Variants in FRMD4A observed in about 807,000 individuals in gnomAD.
FRMD4A encodes FERM domain-containing protein 4A.
FRMD4A carries 29 observed loss-of-function variants against 129.1 expected under a neutral mutation model. The ratio of observed to expected loss-of-function variants is 0.22; its 90% CI spans 0.17 to 0.31. The LOEUF is 0.31. Among genes scored for constraint, FRMD4A ranks in the 10% least tolerant of loss-of-function variants. FRMD4A has a pLI of 1.00. For synonymous variants in FRMD4A, 634 were observed against 571.6 expected (o/e 1.11, Z -1.56); for missense variants, 1,272 against 1,375.8 (o/e 0.92, Z 1.19).
chr10:13,918,420 G>A (rs1252263525), intron 2 of FRMD4A, among the ~76,000 whole-genome samples: 1 of 148,798 alleles, frequency 6.7e-6, no homozygotes, highest in East Asian at 2.3e-4. Flanking sequence ...ATGTTAGAGT[G>A]GTTCATTTAT....
At chr10:13,703,088 AAATG>A (rs1303888022) in intron 13 of FRMD4A, among the ~76,000 whole-genome samples, 4 of 152,168 alleles carry the variant, frequency 2.6e-5, no homozygotes, top group Admixed American at 2.0e-4. Flanking sequence ...TCTTGGAAAT[AAATG>A]AATGACTTTT....
chr10:13,941,409 T>A (rs2095291304), intron 2 of FRMD4A, among the ~76,000 whole-genome samples: 1 of 152,214 alleles, frequency 6.6e-6, no homozygotes, highest in African/African-American at 2.4e-5. Flanking sequence ...AGTTACCCAG[T>A]CTGGGGTATG....
intron 2 of FRMD4A, among the ~76,000 whole-genome samples, chr10:14,177,154 C>T (rs1459010373): frequency 6.6e-6 from 1 of 152,156 alleles, no homozygotes; most frequent in African/African-American, 2.4e-5. Context: ...TCAGAAACCC[C>T]TCTCATCAGA....
intron 2 of FRMD4A, among the ~76,000 whole-genome samples, chr10:14,277,653 A>G (rs1167820361): frequency 6.6e-6 from 1 of 152,206 alleles, no homozygotes; most frequent in Non-Finnish European, 1.5e-5. Context: ...TCGAGACTGA[A>G]CATAAGCACC....
rs181780982 is a variant in FRMD4A at position 14,024,726 on chromosome 10, A to G, written c.46-165814T>C. On this transcript the variant is annotated intron_variant, in intron 2 of 24. Transcript: ENST00000357447. ...GCCACTGCCTTCCCTGTGTAACTTC[A>G]CAGTCCGAGGTGCTGGCCAAGCGCA... 4.2e-3 allele frequency among the ~76,000 whole-genome samples: 638 copies of G among 152,348 alleles called. 6 individuals are homozygous for G. The highest frequency in any genetic ancestry group is 0.014 in the African/African-American group (595 of 41,584).
At chr10:13,709,855 CT>C (rs200821464) in intron 12 of FRMD4A, among the ~76,000 whole-genome samples, 8 of 151,234 alleles carry the variant, frequency 5.3e-5, no homozygotes, top group Admixed American at 2.0e-4. Flanking sequence ...TATCTTTATT[CT>C]TTTTTTTTGT....
chr10:14,091,698 G>A (rs932847112), intron 2 of FRMD4A, among the ~76,000 whole-genome samples: 5 of 152,222 alleles, frequency 3.3e-5, no homozygotes, highest in Non-Finnish European at 7.3e-5. Context: ...CTCCCAAAGT[G>A]CTGGGATTAC....
intron 4 of FRMD4A, among the ~76,000 whole-genome samples, chr10:13,803,669 C>T (rs983773314): frequency 6.4e-4 from 98 of 152,002 alleles, no homozygotes; most frequent in African/African-American, 2.3e-3. Flanking sequence ...TTCTACACCA[C>T]GTTTTGTGAA....
At chr10:14,123,483 T>C (rs1213359569) in intron 2 of FRMD4A, among the ~76,000 whole-genome samples, 1 of 152,228 alleles carries the variant, frequency 6.6e-6, no homozygotes, top group Non-Finnish European at 1.5e-5. Flanking sequence ...CCTAGCCTTC[T>C]TCCTGCATAG....
chr10:13,855,561 A>G (rs1305035824), intron 3 of FRMD4A, among the ~76,000 whole-genome samples: 1 of 152,076 alleles, frequency 6.6e-6, no homozygotes, highest in Non-Finnish European at 1.5e-5. Flanking sequence ...ACCCATCCCC[A>G]TTTCTACAGC....
At position 13,796,531 on chromosome 10, in the gene FRMD4A, T is replaced by G. The variant is rs375444097; in HGVS notation, c.264A>C (p.Lys88Asn). The G allele has an allele frequency of 1.2e-6, 2 of 1,600,436 alleles. No individual in the cohort carries two copies. Among genetic ancestry groups the G allele is most frequent in the African/African-American group, 2.7e-5 (2 of 74,642 alleles). Residue 88 changes from lysine (K) to asparagine (N), a missense_variant, in exon 5 of 25, where the codon AAA (lysine) becomes AAC (asparagine). By Grantham distance (94) the Lys-to-Asn change is moderately conservative. This residue lies in a region of FRMD4A where 300 missense variants were observed against 483.6 expected (regional missense o/e 0.62). Coordinates refer to ENST00000357447, the MANE Select transcript of FRMD4A (RefSeq NM_018027.5). ...AGTATAAAACCACGGGTCCTGACTTTTTAGGGAAGTCATGTTCCAATACTC... is the reference window on the plus strand; with the variant it reads ...AGTATAAAACCACGGGTCCTGACTTGTTAGGGAAGTCATGTTCCAATACTC... ...DRRVLEHDFP[K>N]KSGPVVLYFC...
chr10:13,663,898 T>C (rs189901170), intron 18 of FRMD4A, among the ~76,000 whole-genome samples: 115 of 152,378 alleles, frequency 7.5e-4, no homozygotes, highest in African/African-American at 2.6e-3. Flanking sequence ...CTTTTGATTC[T>C]ACAAATGCGA....
At chr10:13,789,250 C>T (rs950435310) in intron 5 of FRMD4A, among the ~76,000 whole-genome samples, 2 of 152,084 alleles carry the variant, frequency 1.3e-5, no homozygotes, top group Non-Finnish European at 2.9e-5. Flanking sequence ...ATTGTTATTG[C>T]GAGTGACAGG....
At chr10:14,258,251 C>T (rs1299937394) in intron 2 of FRMD4A, among the ~76,000 whole-genome samples, 3 of 149,056 alleles carry the variant, frequency 2.0e-5, no homozygotes, top group Non-Finnish European at 4.4e-5. Context: ...TATTATATTA[C>T]ATAATAAAAG....
At chr10:14,261,938 CCAAACACACACACACACACACACACA>C (rs1158885383) in intron 2 of FRMD4A, among the ~76,000 whole-genome samples, 2 of 93,974 alleles carry the variant, frequency 2.1e-5, no homozygotes, top group Non-Finnish European at 4.2e-5. Flanking sequence ...TCTCACCACA[CCAAACACACACACACACACACACACA>C]CACACACACA....
At chr10:13,936,877 A>C (rs1299719022) in intron 2 of FRMD4A, among the ~76,000 whole-genome samples, 1 of 152,216 alleles carries the variant, frequency 6.6e-6, no homozygotes, top group Non-Finnish European at 1.5e-5. Context: ...TTACACTTTC[A>C]TCACTTACAT....
intron 16 of FRMD4A, among the ~76,000 whole-genome samples, chr10:13,673,778 T>C (rs528775096): frequency 4.8e-5 from 7 of 146,692 alleles, no homozygotes; most frequent in Admixed American, 1.4e-4. Context: ...GCTTTTTTTT[T>C]TTTTTTTTTT....
chr10:13,865,885 T>C (rs1242062398), intron 2 of FRMD4A, among the ~76,000 whole-genome samples: 1 of 152,104 alleles, frequency 6.6e-6, no homozygotes, highest in Non-Finnish European at 1.5e-5. Context: ...ACTGAAACTA[T>C]TTCAGGGAAG....
chr10:14,103,776 T>A (rs1837433535), intron 2 of FRMD4A, among the ~76,000 whole-genome samples: 1 of 152,206 alleles, frequency 6.6e-6, no homozygotes. Context: ...TTGGAATAAT[T>A]AGTTGGAAGG....
Sources: allele counts gnomAD v4.1 joint callset (sites outside exome capture counted in the v4.1 genomes callset), GRCh38; gene constraint gnomAD v4.1.1; regional missense constraint gnomAD v4.1.1; transcripts MANE v1.5; gene names NCBI Gene and HGNC (gene_info 2026-07-23, HGNC 2026-07-21).